Variants in PDZD2 observed in about 807,000 individuals in gnomAD.
PDZD2 encodes PDZ domain containing 2.
PDZD2 carries 90 observed loss-of-function variants against 220.7 expected under a neutral mutation model. The observed-to-expected ratio is 0.41, with a 90% CI of 0.34 to 0.49. The LOEUF is 0.49. Among genes scored for constraint, PDZD2 ranks in the 20% least tolerant of loss-of-function variants. PDZD2 has a pLI of 0.28. For synonymous variants in PDZD2, 1,375 were observed against 1,450.5 expected (o/e 0.95, Z 1.18); for missense variants, 3,174 against 3,608.5 (o/e 0.88, Z 3.08).
intron 7 of PDZD2, among the ~76,000 whole-genome samples, chr5:32,039,255 C>T (rs983908652): frequency 2.7e-5 from 4 of 150,724 alleles, no homozygotes; most frequent in South Asian, 2.1e-4. Context: ...CCAGGCACTG[C>T]GCCCCCACTC....
chr5:31,821,633 C>A (rs1283101766), intron 2 of PDZD2, among the ~76,000 whole-genome samples: 4 of 152,168 alleles, frequency 2.6e-5, no homozygotes, highest in African/African-American at 7.2e-5. Context: ...CCCGCCTCGG[C>A]CTCCCAAAGT....
chr5:32,074,754 T>G (rs1262875205), intron 18 of PDZD2, 111 bp downstream of exon 18: 5 of 684,788 alleles, frequency 7.3e-6, no homozygotes, highest in East Asian at 5.5e-5. Flanking sequence ...GGATGATGGC[T>G]GGAGAATTAT....
chr5:31,964,453 T>C (rs898203023), intron 2 of PDZD2, among the ~76,000 whole-genome samples: 7 of 152,258 alleles, frequency 4.6e-5, no homozygotes, highest in Non-Finnish European at 1.5e-5. Context: ...GCTTTTTAGG[T>C]ATTAGGGACA....
chr5:32,003,332 CACCACA>C (rs1561317828), intron 5 of PDZD2, among the ~76,000 whole-genome samples: 1 of 18,140 alleles, frequency 5.5e-5, no homozygotes, highest in African/African-American at 1.8e-4. Flanking sequence ...CACACACCCC[CACCACA>C]CCACACACAC....
chr5:31,699,190 A>C (rs1387080789), intron 1 of PDZD2, among the ~76,000 whole-genome samples: 1 of 152,090 alleles, frequency 6.6e-6, no homozygotes, highest in Non-Finnish European at 1.5e-5. Flanking sequence ...CGTCCCGTTC[A>C]TTGTGGTAAG....
At chr5:32,001,115 C>T (rs1463378347) in intron 5 of PDZD2, among the ~76,000 whole-genome samples, 1 of 152,188 alleles carries the variant, frequency 6.6e-6, no homozygotes, top group African/African-American at 2.4e-5. Context: ...CCCTCTTGCC[C>T]CTACCATCCT....
intron 2 of PDZD2, among the ~76,000 whole-genome samples, chr5:31,886,991 G>A (rs748433365): frequency 5.9e-5 from 9 of 152,282 alleles, no homozygotes; most frequent in Middle Eastern, 3.4e-3. Context: ...GAGCCACCAC[G>A]CCTGGTCTCT....
intron 1 of PDZD2, among the ~76,000 whole-genome samples, chr5:31,791,545 G>A (rs899800620): frequency 6.6e-5 from 9 of 136,902 alleles, no homozygotes; most frequent in African/African-American, 2.5e-4. Flanking sequence ...AGCCGAGATC[G>A]TGCCATTGCA....
rs1407081973 is a variant in PDZD2, at chr5:32,087,325, G to C, written c.3877G>C (p.Gly1293Arg). ...RLPHEGSPSP[G>R]EKAAAPPDYS... The stretch of plus-strand genomic sequence containing the variant: ...CCCCCATGAGGGCAGCCCCTCCCCG[G>C]GGGAGAAAGCAGCGGCTCCCCCTGA... Residue 1293 changes from glycine (G) to arginine (R), a missense_variant, in exon 20 of 25, where the codon GGG becomes CGG. By Grantham distance (125) the Gly-to-Arg change is moderately radical. Around this residue, in one of 4 missense-constraint regions of PDZD2, gnomAD observed 1,861 missense variants for 2,001.0 expected, o/e 0.93. Transcript: ENST00000438447. This position sits in a 1 kb window ranked among gnomAD's most constrained non-coding sequence, Gnocchi z 4.0. 6.2e-7 allele frequency: 1 copy of C among 1,614,134 alleles called. No homozygotes were observed. Among genetic ancestry groups the C allele is most frequent in the Non-Finnish European group, 8.5e-7 (1 of 1,179,990 alleles).
chr5:31,844,403 A>T (rs1023042435), intron 2 of PDZD2, among the ~76,000 whole-genome samples: 1 of 152,214 alleles, frequency 6.6e-6, no homozygotes, highest in African/African-American at 2.4e-5. Context: ...CAGAGACCAT[A>T]AAGGAATATC....
At chr5:31,923,574 A>G in intron 2 of PDZD2, 1 of 832,020 alleles carries the variant, frequency 1.2e-6, no homozygotes, top group Admixed American at 1.7e-5. Flanking sequence ...CAATCAGTGG[A>G]CAGCATGAAA....
chr5:31,776,857 C>T (rs1213594851), intron 1 of PDZD2, among the ~76,000 whole-genome samples: 5 of 145,020 alleles, frequency 3.4e-5, no homozygotes, highest in Admixed American at 3.4e-4. Flanking sequence ...CAGGGTTTCA[C>T]CATGTTGGCC....
At chr5:31,911,534 G>A (rs560213705) in intron 2 of PDZD2, among the ~76,000 whole-genome samples, 88 of 152,310 alleles carry the variant, frequency 5.8e-4, no homozygotes, top group Non-Finnish European at 1.1e-3. Context: ...AGTCCTTCCC[G>A]CTTCCTTTCG....
intron 2 of PDZD2, among the ~76,000 whole-genome samples, chr5:31,846,859 G>A (rs1245263777): frequency 6.6e-6 from 1 of 152,152 alleles, no homozygotes; most frequent in Non-Finnish European, 1.5e-5. Flanking sequence ...GTTTAGATCT[G>A]TTAGCAAACA....
At position 32,069,794 on chromosome 5, in the gene PDZD2, C is replaced by G. The variant is rs1454901822; in HGVS notation, c.2533+144C>G. On this transcript the variant is annotated intron_variant, in intron 15 of 24. Coordinates refer to ENST00000438447, the MANE Select transcript of PDZD2 (RefSeq NM_178140.4). ...AGCTGTCAAAGACAGTCTATGCTTTCTCTTGGCTGTTAGTTTTGATTTCTG... is the reference window on the plus strand; with the variant it reads ...AGCTGTCAAAGACAGTCTATGCTTTGTCTTGGCTGTTAGTTTTGATTTCTG... 5 of 601,620 alleles carry G rather than the reference C, an allele frequency of 8.3e-6. No homozygotes were observed. The Admixed American group carries it at 1.6e-4, about 19-fold the overall frequency. 37.3% of individuals were successfully genotyped at this position (601,620 alleles called of 1,614,324 possible).
intron 1 of PDZD2, among the ~76,000 whole-genome samples, chr5:31,661,685 T>C (rs1369927660): frequency 6.6e-6 from 1 of 152,186 alleles, no homozygotes; most frequent in Non-Finnish European, 1.5e-5. Flanking sequence ...AGAGAGTTTC[T>C]TAGCCTTTGG....
At chr5:31,774,354 A>G (rs1752509465) in intron 1 of PDZD2, among the ~76,000 whole-genome samples, 1 of 152,120 alleles carries the variant, frequency 6.6e-6, no homozygotes, top group Non-Finnish European at 1.5e-5. Context: ...CCCTTTGCCA[A>G]AAAGTTGATC....
intron 1 of PDZD2, among the ~76,000 whole-genome samples, chr5:31,738,915 T>G (rs1382375909): frequency 6.6e-6 from 1 of 151,844 alleles, no homozygotes. Context: ...AGACACAGTC[T>G]TGCTCTGTCG....
chr5:31,996,822 AGT>A (rs1236595099), intron 4 of PDZD2, among the ~76,000 whole-genome samples: 1 of 152,232 alleles, frequency 6.6e-6, no homozygotes, highest in Non-Finnish European at 1.5e-5. Context: ...TCGAAGCTGC[AGT>A]GTGAGCCATC....
Sources: gnomAD v4.1 joint callset for allele counts (sites outside exome capture counted in the v4.1 genomes callset) on GRCh38, gnomAD v4.1.1 for gene constraint, gnomAD v4.1.1 regional missense constraint, Gnocchi (gnomAD v3.1) non-coding constraint, MANE v1.5 for transcripts, NCBI Gene and HGNC (gene_info 2026-07-23, HGNC 2026-07-21) for gene names.